The following XRN2 variants were observed in gnomAD, a reference collection of about 807,000 sequenced individuals.
XRN2 encodes the protein DHM1-like protein.
A neutral mutation model predicts 138.5 loss-of-function variants in XRN2; 44 were observed. The observed-to-expected ratio is 0.32, with a 90% CI of 0.25 to 0.41. The LOEUF is 0.41. XRN2 is among the 10% of genes least tolerant of loss of function. The pLI is 1.00. For missense variants in XRN2, 937 were observed against 1,169.3 expected, an observed-to-expected ratio of 0.80 and a Z score of 2.90; for synonymous variants, 354 against 369.4, an observed-to-expected ratio of 0.96 and a Z score of 0.48.
intron 27 of XRN2, among the ~76,000 whole-genome samples, chr20:21,370,000 TAA>T (rs1238683862): frequency 1.3e-5 from 2 of 152,200 alleles, no homozygotes; most frequent in African/African-American, 2.4e-5. Context: ...TTCATAGATT[TAA>T]GTCTTTAAAC....
intron 27 of XRN2, among the ~76,000 whole-genome samples, chr20:21,376,081 G>A (rs189255559): frequency 1.3e-5 from 2 of 152,202 alleles, no homozygotes; most frequent in South Asian, 4.1e-4. Context: ...CTCGTGATCC[G>A]TCCGCCTCGG....
At chr20:21,366,796 T>G (rs1180979795) in intron 26 of XRN2, among the ~76,000 whole-genome samples, 2 of 152,202 alleles carry the variant, frequency 1.3e-5, no homozygotes, top group Non-Finnish European at 2.9e-5. Context: ...GTTTTGTAAG[T>G]ATTTTAATAA....
intron 1 of XRN2, among the ~76,000 whole-genome samples, chr20:21,304,580 C>T (rs1483117344): frequency 6.6e-6 from 1 of 152,132 alleles, no homozygotes; most frequent in South Asian, 2.1e-4. Context: ...CCACCTTTAA[C>T]TGTTTTGGTT....
Position 21,389,405 on chromosome 20 carries a change from C to A in XRN2, c.*67C>A. On this transcript the variant is annotated 3_prime_UTR_variant, in exon 30 of 30. Transcript: ENST00000377191. ...TTTTATGCTATTTGTGGAAAGATTT[C>A]TTTCTCAAGTAGTAGTTTTTAATAA... 4.1e-6 allele frequency: 6 copies of A among 1,465,528 alleles called. No individual in the cohort carries two copies. The highest frequency in any genetic ancestry group is 5.6e-6 in the Non-Finnish European group (6 of 1,072,680). 90.8% of individuals were successfully genotyped at this position (1,465,528 alleles called of 1,614,324 possible). A position where few individuals can be genotyped will look rare whatever the true frequency, so the allele number is the denominator to read the frequency against.
intron 7 of XRN2, 37 bp from the exon 8 acceptor site, chr20:21,331,731 A>G: frequency 6.3e-7 from 1 of 1,588,852 alleles, no homozygotes; most frequent in South Asian, 1.2e-5. Flanking sequence ...GTGGTATATA[A>G]TATATTAATA....
In XRN2 at chr20:21,341,326, T is replaced by G. The variant is rs2038369578; in HGVS notation, c.1410+474T>G. Among the ~76,000 whole-genome samples, 2 of 152,224 alleles carry G rather than the reference T, an allele frequency of 1.3e-5. 1 individual carries two copies. The highest frequency in any genetic ancestry group is 1.3e-4 in the Admixed American group (2 of 15,280). ...CTTCAGTGGGCAGTTGTGAGCATTTTGCAAAATAGTATTCCTTAGGTGTAA... is the reference window on the plus strand; with the variant it reads ...CTTCAGTGGGCAGTTGTGAGCATTTGGCAAAATAGTATTCCTTAGGTGTAA... On this transcript the variant is annotated intron_variant, in intron 15 of 29. Transcript: ENST00000377191.
At chr20:21,327,304 CT>C (rs1160482246) in intron 3 of XRN2, among the ~76,000 whole-genome samples, 1 of 152,126 alleles carries the variant, frequency 6.6e-6, no homozygotes, top group Non-Finnish European at 1.5e-5. Context: ...CAAGTAGCTC[CT>C]TTTATAAATG....
At chr20:21,357,869 T>A in intron 24 of XRN2, 77 bp downstream of exon 24, 1 of 1,288,468 alleles carries the variant, frequency 7.8e-7, no homozygotes, top group Non-Finnish European at 1.1e-6. Context: ...AGACCTTTGA[T>A]TCACAAGGAA....
intron 28 of XRN2, among the ~76,000 whole-genome samples, chr20:21,383,632 A>C (rs2122366032): frequency 6.6e-6 from 1 of 152,298 alleles, no homozygotes; most frequent in African/African-American, 2.4e-5. Flanking sequence ...CTTCAAAGGA[A>C]GTAAAGGATC....
rs1185066161 is a variant in XRN2, at chr20:21,349,226, A to T, written c.1864-163A>T. 6.6e-6 allele frequency among the ~76,000 whole-genome samples: 1 copy of T among 152,200 alleles called. No homozygotes were observed. Among genetic ancestry groups the T allele is most frequent in the East Asian group, 1.9e-4 (1 of 5,200 alleles). ...AAAATAACATTGTTCATTTTGTTTT[A>T]CTATACTTGGGATTAATGACCTAAT... On this transcript the variant is annotated intron_variant, in intron 19 of 29. Coordinates refer to ENST00000377191, the MANE Select transcript of XRN2 (RefSeq NM_012255.5).
intron 1 of XRN2, among the ~76,000 whole-genome samples, chr20:21,319,872 A>AT (rs2038013456): frequency 6.6e-6 from 1 of 152,154 alleles, no homozygotes; most frequent in Admixed American, 6.5e-5. Flanking sequence ...TATTACACAT[A>AT]TATTACATTC....
intron 20 of XRN2, among the ~76,000 whole-genome samples, chr20:21,354,086 T>C (rs899744720): frequency 2.0e-5 from 3 of 152,228 alleles, no homozygotes; most frequent in Admixed American, 6.5e-5. Flanking sequence ...ATTTTTCTTA[T>C]AGCATTGTAT....
chr20:21,357,622 G>T (rs1403466982), intron 23 of XRN2, 114 bp from the exon 24 acceptor site: 2 of 718,494 alleles, frequency 2.8e-6, no homozygotes, highest in Non-Finnish European at 2.1e-6. Context: ...TTTTGTTAGT[G>T]CATTCTAATG....
chr20:21,340,402 G>A (rs2038355789), intron 14 of XRN2, among the ~76,000 whole-genome samples: 1 of 151,964 alleles, frequency 6.6e-6, no homozygotes, highest in South Asian at 2.1e-4. Flanking sequence ...ATTGTGTCTC[G>A]AATGTTTTCT....
At chr20:21,372,798 G>A (rs2038777545) in intron 27 of XRN2, among the ~76,000 whole-genome samples, 1 of 151,450 alleles carries the variant, frequency 6.6e-6, no homozygotes, top group South Asian at 2.1e-4. Flanking sequence ...GCCCCCCATT[G>A]TGTCCTTTCC....
rs776213523 is a variant in XRN2 at position 21,330,466 on chromosome 20, G to C, written c.428-15G>C. ...CTTTTTATGGGGAGAACAAAACGTT[G>C]CCTCTTTTCTCTAGGTGGCTTTCTT... On this transcript the variant is annotated splice_polypyrimidine_tract_variant and intron_variant, in intron 4 of 29. Transcript: ENST00000377191. 2 of 1,612,488 alleles carry C rather than the reference G, an allele frequency of 1.2e-6. No individual in the cohort carries two copies. The highest frequency in any genetic ancestry group is 2.2e-5 in the South Asian group (2 of 90,802).
chr20:21,339,872 T>C (rs576309055), intron 14 of XRN2, among the ~76,000 whole-genome samples: 2 of 152,304 alleles, frequency 1.3e-5, no homozygotes, highest in East Asian at 3.9e-4. Context: ...TTGTGGAGTT[T>C]AGGGACTGCC....
chr20:21,350,593 C>G (rs2038497492), intron 20 of XRN2, among the ~76,000 whole-genome samples: 2 of 141,342 alleles, frequency 1.4e-5, no homozygotes, highest in South Asian at 4.9e-4. Flanking sequence ...TTGTTTCACA[C>G]TAAAGTCATC....
intron 6 of XRN2, 125 bp from the exon 7 acceptor site, chr20:21,331,435 AC>A (rs2038207635): frequency 2.8e-6 from 2 of 717,984 alleles, no homozygotes; most frequent in South Asian, 1.6e-5. Flanking sequence ...ACACACACAC[AC>A]ACCCTTATTC....
Sources: allele counts gnomAD v4.1 joint callset (sites outside exome capture counted in the v4.1 genomes callset), GRCh38; gene constraint gnomAD v4.1.1; transcripts MANE v1.5; gene names NCBI Gene and HGNC (gene_info 2026-07-23, HGNC 2026-07-21).